The following SAMSN1 variants were observed in gnomAD, a reference collection of about 807,000 sequenced individuals.
The protein encoded by SAMSN1 is SAM domain, SH3 domain and nuclear localization signals 1.
In SAMSN1, 31 loss-of-function variants were observed where a neutral mutation model predicts 42.0. The observed-to-expected ratio is 0.74, with a 90% CI of 0.55 to 1.00. The LOEUF is 1.00. SAMSN1 is among the 50% of genes least tolerant of loss of function. The pLI, the probability that SAMSN1 is intolerant of heterozygous loss-of-function variation, is 0.00. For synonymous variants in SAMSN1, 178 were observed against 151.9 expected (o/e 1.17, Z -1.26); for missense variants, 464 against 439.4 (o/e 1.06, Z -0.50).
intron 2 of SAMSN1, among the ~76,000 whole-genome samples, chr21:14,570,144 G>C (rs1284919360): frequency 1.3e-5 from 2 of 152,066 alleles, no homozygotes; most frequent in Non-Finnish European, 2.9e-5. Context: ...CTGATTTCTT[G>C]CCAAATCATT....
At chr21:14,556,186 C>A (rs1199680705) in intron 2 of SAMSN1, among the ~76,000 whole-genome samples, 2 of 152,072 alleles carry the variant, frequency 1.3e-5, no homozygotes, top group Non-Finnish European at 2.9e-5. Context: ...TCAAGAGTGA[C>A]CAGATTATTT....
At chr21:14,609,330 T>A (rs955968730) in intron 5 of SAMSN1, among the ~76,000 whole-genome samples, 3 of 152,146 alleles carry the variant, frequency 2.0e-5, no homozygotes, top group African/African-American at 7.2e-5. Flanking sequence ...TTTATAATAA[T>A]GCATATTCTA....
chr21:14,495,454 A>G (rs1600859388), intron 7 of SAMSN1, among the ~76,000 whole-genome samples: 1 of 152,222 alleles, frequency 6.6e-6, no homozygotes, highest in East Asian at 1.9e-4. Flanking sequence ...TCTTTTTGAC[A>G]TGTATATTCT....
chr21:14,567,623 A>G (rs2249923), intron 2 of SAMSN1, among the ~76,000 whole-genome samples: 48,971 of 151,898 alleles, frequency 0.32, 8,165 homozygotes, highest in East Asian at 0.48. Flanking sequence ...GATCATAAAG[A>G]CCTTGAGTAC....
chr21:14,618,888 T>C (rs1396046994), intron 2 of SAMSN1, among the ~76,000 whole-genome samples: 1 of 152,234 alleles, frequency 6.6e-6, no homozygotes, highest in African/African-American at 2.4e-5. Context: ...TAATTCTTCT[T>C]ACCTTTCATT....
intron 1 of SAMSN1, among the ~76,000 whole-genome samples, chr21:14,655,744 TATC>T (rs1244758297): frequency 6.6e-6 from 1 of 151,810 alleles, no homozygotes; most frequent in Non-Finnish European, 1.5e-5. Flanking sequence ...GGATGGCTGA[TATC>T]ATAGCATTCC....
At chr21:14,631,224 T>TA (rs1983319941) in intron 2 of SAMSN1, among the ~76,000 whole-genome samples, 1 of 152,234 alleles carries the variant, frequency 6.6e-6, no homozygotes, top group South Asian at 2.1e-4. Flanking sequence ...GTTATGTACT[T>TA]AGAGTTAACA....
rs899719298 is a variant in SAMSN1, at chr21:14,510,477, G to A, written c.410-16C>T. ...GTTATGCCACCTGATGAAAGCAGAA[G>A]TTCACAGTTGTCATGGAAGACTTAT... On this transcript the variant is annotated splice_polypyrimidine_tract_variant and intron_variant, in intron 4 of 7. Coordinates refer to ENST00000400566, the MANE Select transcript of SAMSN1 (RefSeq NM_022136.5). The A allele has an allele frequency of 2.5e-6, 4 of 1,613,702 alleles. No homozygotes were observed. Among genetic ancestry groups the A allele is most frequent in the Admixed American group, 3.3e-5 (2 of 59,998 alleles).
chr21:14,642,939 G>T, intron 2 of SAMSN1: 1 of 688,986 alleles, frequency 1.5e-6, no homozygotes, highest in South Asian at 1.6e-5. Flanking sequence ...AGTATCATTA[G>T]GCAAGAGATT....
At chr21:14,618,687 TGTGTGCGCGC>T (rs1424787920) in intron 2 of SAMSN1, among the ~76,000 whole-genome samples, 5 of 30,044 alleles carry the variant, frequency 1.7e-4, no homozygotes, top group African/African-American at 6.0e-4. Flanking sequence ...TGTGTGTGTG[TGTGTGCGCGC>T]GCGCGCACGC....
At chr21:14,636,791 G>C (rs1047796548) in intron 2 of SAMSN1, among the ~76,000 whole-genome samples, 13 of 152,176 alleles carry the variant, frequency 8.5e-5, no homozygotes, top group East Asian at 1.9e-4. Flanking sequence ...TTGAACCCTG[G>C]GGGTGGAGCT....
At chr21:14,512,378 T>C (rs985812303) in intron 4 of SAMSN1, 66 bp downstream of exon 4, 11 of 1,555,884 alleles carry the variant, frequency 7.1e-6, no homozygotes, top group Non-Finnish European at 9.7e-6. Context: ...ATTTAACTTG[T>C]TGTTTTTTAA....
chr21:14,485,907 C>T lies in SAMSN1; in HGVS notation c.*5G>A, dbSNP rs373757186. The T allele has an allele frequency of 4.1e-5, 66 of 1,609,620 alleles. No homozygotes were observed. The South Asian group carries it at 5.3e-4, about 13-fold the overall frequency. On this transcript the variant is annotated 3_prime_UTR_variant, in exon 8 of 8. Transcript: ENST00000400566. ...ATCTGTAGATATATAGTTGGGAATG[C>T]GTGTTCAGTCACTTGGCTCTGTGAT... is the stretch of plus-strand genomic sequence containing the variant.
intron 3 of SAMSN1, among the ~76,000 whole-genome samples, chr21:14,513,861 G>T (rs1223548035): frequency 1.3e-5 from 2 of 152,318 alleles, no homozygotes; most frequent in Middle Eastern, 3.4e-3. Context: ...CTAATGTAGT[G>T]TGAGAAAGGA....
At chr21:14,535,640 G>A (rs1021381317) in intron 1 of SAMSN1, among the ~76,000 whole-genome samples, 11 of 152,114 alleles carry the variant, frequency 7.2e-5, no homozygotes, top group African/African-American at 2.7e-4. Context: ...GTGACCATTA[G>A]GGTAGGACCT....
chr21:14,527,697 C>G (rs1978956268), intron 1 of SAMSN1, among the ~76,000 whole-genome samples: 1 of 146,514 alleles, frequency 6.8e-6, no homozygotes, highest in Admixed American at 6.9e-5. Flanking sequence ...TGCTGTGACA[C>G]TAGAAATGCT....
Position 14,559,640 on chromosome 21 carries a change from C to G in SAMSN1, c.261+22496G>C, listed in dbSNP as rs1980879548. 2.6e-5 allele frequency among the ~76,000 whole-genome samples: 4 copies of G among 152,082 alleles called. No individual in the cohort carries two copies. The South Asian group carries it at 6.2e-4, about 24-fold the overall frequency. Reference sequence around the variant, plus strand: ...TAGTCCTCCTGTATTGCTAGGACTACAGGTGTTGGCCACCATGCCTGTCTA... The same window carrying G: ...TAGTCCTCCTGTATTGCTAGGACTAGAGGTGTTGGCCACCATGCCTGTCTA... On this transcript the variant is annotated intron_variant, in intron 2 of 8. Coordinates refer to the SAMSN1 transcript ENST00000285670.
intron 1 of SAMSN1, among the ~76,000 whole-genome samples, chr21:14,540,847 G>A (rs1173074707): frequency 6.6e-6 from 1 of 152,104 alleles, no homozygotes; most frequent in South Asian, 2.1e-4. Flanking sequence ...TGTTTATTGT[G>A]GCACTGTTCA....
At chr21:14,487,822 G>A (rs548767078) in intron 7 of SAMSN1, among the ~76,000 whole-genome samples, 63 of 152,178 alleles carry the variant, frequency 4.1e-4, no homozygotes, top group African/African-American at 1.5e-3. Flanking sequence ...ATTATAACTA[G>A]TTCTAGATAT....
Sources: allele counts gnomAD v4.1 joint callset (sites outside exome capture counted in the v4.1 genomes callset), GRCh38; gene constraint gnomAD v4.1.1; transcripts MANE v1.5; gene names NCBI Gene and HGNC (gene_info 2026-07-23, HGNC 2026-07-21).